SMYD3: variants seen among roughly 807,000 people sequenced by gnomAD.
The protein encoded by SMYD3 is histone-lysine N-methyltransferase SMYD3.
In SMYD3, 36 loss-of-function variants were observed where a neutral mutation model predicts 57.7. The ratio of observed to expected loss-of-function variants is 0.62; its 90% CI spans 0.48 to 0.82. The LOEUF (loss-of-function observed/expected upper bound fraction) is 0.82. Among genes scored for constraint, SMYD3 ranks in the 40% least tolerant of loss-of-function variants. SMYD3 has a pLI of 0.00. For missense variants in SMYD3, 515 were observed against 538.8 expected, an observed-to-expected ratio of 0.96 and a Z score of 0.44; for synonymous variants, 211 against 195.0, an observed-to-expected ratio of 1.08 and a Z score of -0.68.
At chr1:246,498,125 T>TG (rs1389499676) in intron 1 of SMYD3, among the ~76,000 whole-genome samples, 5 of 152,156 alleles carry the variant, frequency 3.3e-5, no homozygotes, top group African/African-American at 1.2e-4. Flanking sequence ...GAATGCAAAA[T>TG]GGTACAACCC....
rs1558443117 is a variant in SMYD3 at position 246,395,814 on chromosome 1, G to GGACAGGGAAGACGAACACACCACAGTCA, written c.165-40721_165-40720insTGACTGTGGTGTGTTCGTCTTCCCTGTC. Among the ~76,000 whole-genome samples the GGACAGGGAAGACGAACACACCACAGTCA allele has an allele frequency of 3.3e-5, 5 of 149,678 alleles. No individual in the cohort carries two copies. The East Asian group carries it at 1.0e-3, about 31-fold the overall frequency. Reference sequence around the variant, plus strand: ...CAGGGAAGAGGAACCCACCACGGCTGGACAGGGAAGACGAACCCACCACTG... The same window carrying GGACAGGGAAGACGAACACACCACAGTCA: ...CAGGGAAGAGGAACCCACCACGGCTGGACAGGGAAGACGAACACACCACAGTCAGACAGGGAAGACGAACCCACCACTG... On this transcript the variant is annotated intron_variant, in intron 1 of 11. Transcript: ENST00000490107.
intron 5 of SMYD3, among the ~76,000 whole-genome samples, chr1:246,129,899 C>A (rs1216279611): frequency 6.6e-6 from 1 of 152,158 alleles, no homozygotes; most frequent in Non-Finnish European, 1.5e-5. Context: ...GCAAAAAATA[C>A]TTCCTTACCA....
intron 5 of SMYD3, among the ~76,000 whole-genome samples, chr1:246,191,305 C>A (rs1202506523): frequency 2.0e-5 from 3 of 152,126 alleles, no homozygotes; most frequent in Non-Finnish European, 4.4e-5. Flanking sequence ...AATGGTCCTG[C>A]CTAGAACCAT....
At chr1:245,762,187 A>G (rs1352509107) in intron 11 of SMYD3, among the ~76,000 whole-genome samples, 1 of 152,184 alleles carries the variant, frequency 6.6e-6, no homozygotes, top group Non-Finnish European at 1.5e-5. Flanking sequence ...GAGCTCTTGC[A>G]TGTCTCCAAA....
intron 8 of SMYD3, among the ~76,000 whole-genome samples, chr1:245,872,282 T>C (rs148821367): frequency 6.6e-6 from 1 of 152,320 alleles, no homozygotes; most frequent in African/African-American, 2.4e-5. Context: ...ACAAGCAGGA[T>C]GTAGCAGGGC....
intron 5 of SMYD3, among the ~76,000 whole-genome samples, chr1:246,129,807 T>A (rs937411254): frequency 1.3e-5 from 2 of 152,114 alleles, no homozygotes; most frequent in African/African-American, 4.8e-5. Flanking sequence ...GAAAAATGGA[T>A]ATAAGCCCAT....
In SMYD3 at chr1:246,261,449, C is replaced by A. The variant is rs561150326; in HGVS notation, c.531+65752G>T. 6.0e-5 allele frequency among the ~76,000 whole-genome samples: 9 copies of A among 150,838 alleles called. No individual in the cohort carries two copies. The East Asian group carries it at 1.6e-3, about 26-fold the overall frequency. ...TTTAATTTTAGAAAACTTTTATTTT[C>A]TTAAAGATATAATCGTTTATTATAT... On this transcript the variant is annotated intron_variant, in intron 5 of 11. Transcript: ENST00000490107.
intron 5 of SMYD3, among the ~76,000 whole-genome samples, chr1:246,015,602 C>T (rs181961934): frequency 8.5e-5 from 13 of 152,260 alleles, no homozygotes; most frequent in East Asian, 7.7e-4. Context: ...GCTCCATTCC[C>T]GACCCTCTCC....
intron 1 of SMYD3, among the ~76,000 whole-genome samples, chr1:246,485,748 C>A (rs912392153): frequency 4.6e-5 from 7 of 152,128 alleles, no homozygotes; most frequent in Admixed American, 4.6e-4. Flanking sequence ...TAGGATCACA[C>A]CACTGCAGTC....
intron 1 of SMYD3, among the ~76,000 whole-genome samples, chr1:246,410,819 A>T (rs1183008661): frequency 6.6e-6 from 1 of 152,016 alleles, no homozygotes; most frequent in East Asian, 1.9e-4. Flanking sequence ...TTTGGTTGGT[A>T]AGCTATTAAT....
At chr1:245,775,058 C>G (rs1158601307) in intron 10 of SMYD3, among the ~76,000 whole-genome samples, 3 of 152,082 alleles carry the variant, frequency 2.0e-5, no homozygotes, top group Non-Finnish European at 4.4e-5. Context: ...GCTACAACCT[C>G]CACCTCCCAG....
At chr1:245,988,978 A>G (rs1284255600) in intron 5 of SMYD3, among the ~76,000 whole-genome samples, 1 of 152,228 alleles carries the variant, frequency 6.6e-6, no homozygotes, top group East Asian at 1.9e-4. Context: ...CTGTGAACCA[A>G]TAAATTCCCC....
intron 1 of SMYD3, among the ~76,000 whole-genome samples, chr1:246,397,912 T>TA (rs11284190): frequency 1.5e-5 from 2 of 132,236 alleles, no homozygotes; most frequent in South Asian, 2.6e-4. Flanking sequence ...GGTTGAGTCA[T>TA]AAAAAAAAAA....
chr1:246,393,633 G>C (rs1438540372), intron 1 of SMYD3, among the ~76,000 whole-genome samples: 1 of 141,952 alleles, frequency 7.0e-6, no homozygotes, highest in Non-Finnish European at 1.5e-5. Context: ...GAACCCAGGA[G>C]TTTGGGACCA....
chr1:246,232,666 TC>T (rs2063432934), intron 5 of SMYD3, among the ~76,000 whole-genome samples: 1 of 125,788 alleles, frequency 7.9e-6, no homozygotes, highest in East Asian at 3.6e-4. Flanking sequence ...AAGCACTCCT[TC>T]AATCCACACT....
chr1:246,488,647 C>G (rs138342911), intron 1 of SMYD3, among the ~76,000 whole-genome samples: 1 of 152,284 alleles, frequency 6.6e-6, no homozygotes, highest in East Asian at 1.9e-4. Context: ...GATCGCACCA[C>G]TGCACTCCAG....
intron 2 of SMYD3, among the ~76,000 whole-genome samples, chr1:246,344,276 C>T (rs906288443): frequency 6.6e-6 from 1 of 152,208 alleles, no homozygotes; most frequent in Non-Finnish European, 1.5e-5. Flanking sequence ...GTGCCCCTTA[C>T]ATTCAAGTCC....
intron 10 of SMYD3, 112 bp from the exon 11 acceptor site, chr1:245,764,261 T>A: frequency 1.4e-6 from 1 of 696,820 alleles, no homozygotes; most frequent in Non-Finnish European, 2.5e-6. Context: ...GTTAATGAGC[T>A]ACTGAAAGGA....
At chr1:246,084,304 A>C (rs1268397778) in intron 5 of SMYD3, among the ~76,000 whole-genome samples, 2 of 151,052 alleles carry the variant, frequency 1.3e-5, no homozygotes, top group Admixed American at 6.6e-5. Context: ...CAGTCTCAAC[A>C]TTCTGGGCTC....
Sources: allele counts gnomAD v4.1 joint callset (sites outside exome capture counted in the v4.1 genomes callset), GRCh38; gene constraint gnomAD v4.1.1; transcripts MANE v1.5; gene names NCBI Gene and HGNC (gene_info 2026-07-23, HGNC 2026-07-21).